The following PARP8 variants were observed in gnomAD, a reference collection of about 807,000 sequenced individuals.
The protein encoded by PARP8 is poly(ADP-ribose) polymerase family member 8, also known as protein mono-ADP-ribosyltransferase PARP8.
A neutral mutation model predicts 124.1 loss-of-function variants in PARP8; 51 were observed. The ratio of observed to expected loss-of-function variants is 0.41; its 90% CI spans 0.33 to 0.52. The LOEUF (loss-of-function observed/expected upper bound fraction) is 0.52. Ranked by LOEUF, PARP8 falls within the 20% of genes least tolerant of loss-of-function variation. PARP8 has a pLI of 0.21. For missense variants in PARP8, 860 were observed against 1,018.9 expected, an observed-to-expected ratio of 0.84 and a Z score of 2.12; for synonymous variants, 391 against 361.5, an observed-to-expected ratio of 1.08 and a Z score of -0.93.
At chr5:50,749,566 T>C (rs1285549666) in intron 2 of PARP8, among the ~76,000 whole-genome samples, 1 of 152,116 alleles carries the variant, frequency 6.6e-6, no homozygotes, top group African/African-American at 2.4e-5. Flanking sequence ...ATTTAAAAAT[T>C]ATTTTGAAAC....
intron 3 of PARP8, among the ~76,000 whole-genome samples, chr5:50,753,789 A>G (rs1412967306): frequency 3.3e-5 from 5 of 151,986 alleles, no homozygotes; most frequent in Non-Finnish European, 5.9e-5. Flanking sequence ...CTTAAGTTAC[A>G]TCAGTGAGGG....
intron 2 of PARP8, among the ~76,000 whole-genome samples, chr5:50,734,896 C>T (rs533029015): frequency 6.6e-6 from 1 of 152,128 alleles, no homozygotes; most frequent in African/African-American, 2.4e-5. Flanking sequence ...CCTGCAGTGC[C>T]TAGAAAGGGA....
intron 2 of PARP8, among the ~76,000 whole-genome samples, chr5:50,681,539 A>C (rs1033888960): frequency 1.6e-4 from 24 of 152,142 alleles, no homozygotes; most frequent in African/African-American, 5.6e-4. Flanking sequence ...ATTCATTATT[A>C]TTCTTCTTAC....
chr5:50,778,697 G>A lies in PARP8; in HGVS notation c.670+47G>A, dbSNP rs76564339. 4,637 of 1,282,602 alleles carry A rather than the reference G, an allele frequency of 3.6e-3. 149 individuals are homozygous for A. The African/African-American group carries it at 0.063, about 18-fold the overall frequency. 79.5% of individuals were successfully genotyped at this position (1,282,602 alleles called of 1,614,324 possible). ...ATTATTTTGAATATTAATTAGCTGTGCACTATGCCTTAAGCAAAATGCGTG... is the reference window on the plus strand; with the variant it reads ...ATTATTTTGAATATTAATTAGCTGTACACTATGCCTTAAGCAAAATGCGTG... On this transcript the variant is annotated intron_variant, in intron 9 of 25. Transcript: ENST00000281631.
At chr5:50,725,299 C>T (rs1306548367) in intron 2 of PARP8, among the ~76,000 whole-genome samples, 1 of 151,644 alleles carries the variant, frequency 6.6e-6, no homozygotes. Context: ...TAATTTTTGT[C>T]GATGTAATAG....
chr5:50,810,491 G>A (rs1744314991), intron 14 of PARP8, among the ~76,000 whole-genome samples: 1 of 152,000 alleles, frequency 6.6e-6, no homozygotes, highest in South Asian at 2.1e-4. Flanking sequence ...ATTTGTCAGG[G>A]TGGAGGATTG....
chr5:50,819,898 TTTA>T (rs1173726882), intron 15 of PARP8, among the ~76,000 whole-genome samples: 1 of 152,158 alleles, frequency 6.6e-6, no homozygotes, highest in Non-Finnish European at 1.5e-5. Context: ...AAAGGAGGGT[TTTA>T]TTATGTCCTT....
intron 23 of PARP8, chr5:50,833,511 T>C (rs1277183979): frequency 1.4e-5 from 5 of 347,264 alleles, no homozygotes; most frequent in Admixed American, 3.8e-5. Flanking sequence ...ATCTAATATC[T>C]GAAAAAAAAA....
intron 2 of PARP8, among the ~76,000 whole-genome samples, chr5:50,687,509 A>G (rs1752000344): frequency 6.6e-6 from 1 of 152,132 alleles, no homozygotes; most frequent in Admixed American, 6.5e-5. Context: ...ATTTTTGGGT[A>G]TCTTTTCAGC....
chr5:50,802,362 G>T (rs1357086082), intron 14 of PARP8, among the ~76,000 whole-genome samples: 11 of 152,084 alleles, frequency 7.2e-5, no homozygotes, highest in African/African-American at 2.7e-4. Context: ...CCTCTAGACC[G>T]GAGTACAGTG....
intron 16 of PARP8, 25 bp from the exon 17 acceptor site, chr5:50,822,310 T>C: frequency 3.2e-6 from 5 of 1,562,114 alleles, no homozygotes; most frequent in Non-Finnish European, 4.4e-6. Context: ...ATGCTGTTTT[T>C]TAACATCACT....
intron 18 of PARP8, among the ~76,000 whole-genome samples, chr5:50,826,291 A>G (rs1746342979): frequency 1.3e-5 from 2 of 152,040 alleles, no homozygotes; most frequent in South Asian, 4.1e-4. Context: ...TATGTAAACC[A>G]TTGTATATAT....
At position 50,759,687 on chromosome 5, in the gene PARP8, G is replaced by A; in HGVS notation, c.229G>A (p.Val77Ile). 6.4e-7 allele frequency: 1 copy of A among 1,567,826 alleles called. No individual in the cohort carries two copies. The highest frequency in any genetic ancestry group is 1.7e-4 in the Middle Eastern group (1 of 5,872). Reference sequence around the variant, plus strand: ...TTCAGAGAATGATGAAGATGTGCTAGTTACTACAGAGCCAATACCAGTAAT... The same window carrying A: ...TTCAGAGAATGATGAAGATGTGCTAATTACTACAGAGCCAATACCAGTAAT... ...SSSENDEDVL[V>I]TTEPIPVIFH... The change falls in exon 4 of 26, where the codon GTT (valine) becomes ATT (isoleucine). Residue 77 changes from valine to isoleucine, a missense_variant. Coordinates refer to ENST00000281631, the MANE Select transcript of PARP8 (RefSeq NM_024615.4).
Position 50,826,946 on chromosome 5 carries a change from A to G in PARP8, c.1977+143A>G, listed in dbSNP as rs1317998765. 5 of 1,234,198 alleles carry G rather than the reference A, an allele frequency of 4.1e-6. No homozygotes were observed. In the African/African-American group the frequency reaches 6.4e-5, roughly 16 times the overall value. 76.5% of individuals were successfully genotyped at this position (1,234,198 alleles called of 1,614,324 possible). ...GTTAAATATAATTCTTTAGTTTGAAATAGCCATTGCTCACTAGCTCCAAAC... is the reference window on the plus strand; with the variant it reads ...GTTAAATATAATTCTTTAGTTTGAAGTAGCCATTGCTCACTAGCTCCAAAC... On this transcript the variant is annotated intron_variant, in intron 19 of 25. Transcript: ENST00000281631.
chr5:50,735,659 T>C (rs1184189712), intron 2 of PARP8, among the ~76,000 whole-genome samples: 1 of 152,172 alleles, frequency 6.6e-6, no homozygotes, highest in Non-Finnish European at 1.5e-5. Context: ...ACATATATTT[T>C]GAACATCTCT....
chr5:50,763,291 T>C, intron 7 of PARP8, 49 bp downstream of exon 7: 1 of 1,422,750 alleles, frequency 7.0e-7, no homozygotes, highest in Admixed American at 1.8e-5. Flanking sequence ...TGGTAAGTCA[T>C]TGAAATTTAC....
chr5:50,817,736 A>G (rs1427245817), intron 15 of PARP8, among the ~76,000 whole-genome samples: 4 of 152,076 alleles, frequency 2.6e-5, no homozygotes, highest in African/African-American at 9.7e-5. Context: ...TTTAGACTAC[A>G]TTGTATACCC....
At chr5:50,699,858 C>T (rs1753404336) in intron 2 of PARP8, among the ~76,000 whole-genome samples, 2 of 152,086 alleles carry the variant, frequency 1.3e-5, no homozygotes, top group Admixed American at 6.6e-5. Context: ...CATAAGAGGT[C>T]TCGGTTCAGC....
At chr5:50,793,691 T>A (rs1742212912) in intron 10 of PARP8, among the ~76,000 whole-genome samples, 1 of 152,212 alleles carries the variant, frequency 6.6e-6, no homozygotes, top group South Asian at 2.1e-4. Flanking sequence ...TCTTTTTATG[T>A]ATGATTTTAT....
Sources: allele counts gnomAD v4.1 joint callset (sites outside exome capture counted in the v4.1 genomes callset), GRCh38; gene constraint gnomAD v4.1.1; transcripts MANE v1.5; gene names NCBI Gene and HGNC (gene_info 2026-07-23, HGNC 2026-07-21).